Variants in ABCB1 observed in about 807,000 individuals in gnomAD.
The protein encoded by ABCB1 is ATP-dependent translocase ABCB1.
ABCB1 carries 69 observed loss-of-function variants against 142.0 expected under a neutral mutation model. That is an observed-to-expected ratio of 0.49 (90% CI 0.40 to 0.59). The LOEUF is 0.59. Among genes scored for constraint, ABCB1 ranks in the 20% least tolerant of loss-of-function variants. ABCB1 has a pLI of 0.00. For missense variants in ABCB1, 1,326 were observed against 1,554.7 expected (o/e 0.85, Z 2.47); for synonymous variants, 532 against 539.2 (o/e 0.99, Z 0.18).
intron 1 of ABCB1, chr7:87,700,442 A>T (rs1206199075): frequency 6.2e-7 from 1 of 1,612,052 alleles, no homozygotes; most frequent in South Asian, 1.1e-5. Flanking sequence ...TGGTTTGGTT[A>T]TGAAAGTCCT....
intron 1 of ABCB1, among the ~76,000 whole-genome samples, chr7:87,642,921 A>T (rs979187591): frequency 1.3e-5 from 2 of 152,070 alleles, no homozygotes; most frequent in Non-Finnish European, 2.9e-5. Context: ...AATTTTTAAA[A>T]TTTTCCTTTT....
chr7:87,626,158 ATATG>A (rs1412878824), intron 1 of ABCB1, among the ~76,000 whole-genome samples: 1 of 139,912 alleles, frequency 7.1e-6, no homozygotes, highest in Non-Finnish European at 1.5e-5. Context: ...ATTGTCATAT[ATATG>A]TGTCATATAT....
intron 1 of ABCB1, among the ~76,000 whole-genome samples, chr7:87,684,746 CAAAAAA>C (rs71524694): frequency 1.6e-4 from 6 of 37,782 alleles, no homozygotes; most frequent in Admixed American, 1.2e-3. Context: ...GACTCCGTCT[CAAAAAA>C]AAAAAAAAAA....
chr7:87,544,702 G>T, intron 16 of ABCB1, 121 bp downstream of exon 16: 1 of 935,238 alleles, frequency 1.1e-6, no homozygotes. Context: ...ACATTCTGGG[G>T]GATAGGACAG....
chr7:87,554,872 T>A (rs974454264), intron 8 of ABCB1, among the ~76,000 whole-genome samples: 1 of 152,188 alleles, frequency 6.6e-6, no homozygotes, highest in African/African-American at 2.4e-5. Flanking sequence ...GACCCATTAA[T>A]ACTTCTTAGA....
intron 21 of ABCB1, among the ~76,000 whole-genome samples, chr7:87,523,831 G>C (rs1280927634): frequency 1.3e-5 from 2 of 152,020 alleles, no homozygotes; most frequent in African/African-American, 2.4e-5. Flanking sequence ...TTCCTCATTT[G>C]CAAAATGAGG....
At chr7:87,543,950 A>G (rs1816656300) in intron 17 of ABCB1, among the ~76,000 whole-genome samples, 179 bp downstream of exon 17, 1 of 152,230 alleles carries the variant, frequency 6.6e-6, no homozygotes, top group Admixed American at 6.5e-5. Context: ...GAAGGTTCAC[A>G]AAGTTAGCTC....
At chr7:87,548,034 AT>A (rs1563046206) in intron 14 of ABCB1, among the ~76,000 whole-genome samples, 30 of 147,884 alleles carry the variant, frequency 2.0e-4, no homozygotes, top group Admixed American at 6.1e-4. Context: ...AAAAGATAAG[AT>A]AAGATAAGAA....
At chr7:87,661,185 G>A (rs898272300) in intron 1 of ABCB1, among the ~76,000 whole-genome samples, 2 of 151,500 alleles carry the variant, frequency 1.3e-5, no homozygotes, top group African/African-American at 2.4e-5. Context: ...TTTTTTACAG[G>A]CACACAATGT....
intron 8 of ABCB1, among the ~76,000 whole-genome samples, chr7:87,555,344 AT>A (rs747638954): frequency 5.3e-5 from 8 of 152,212 alleles, no homozygotes; most frequent in Non-Finnish European, 1.0e-4. Flanking sequence ...TTACTTCCAT[AT>A]AAAAGTCATA....
chr7:87,564,027 G>A, intron 7 of ABCB1: 2 of 309,586 alleles, frequency 6.5e-6, no homozygotes, highest in South Asian at 5.8e-5. Flanking sequence ...GTGGAGAGTG[G>A]GAGGAGGGAG....
Position 87,709,362 on chromosome 7 carries a change from A to G in ABCB1, c.-331+3799T>C, listed in dbSNP as rs555458697. 1.0e-5 allele frequency: 10 copies of G among 985,300 alleles called. No homozygotes were observed. The South Asian group carries it at 3.3e-4, about 32-fold the overall frequency. 61.0% of individuals were successfully genotyped at this position (985,300 alleles called of 1,614,324 possible). ...TGTCTTTTAGATGAAATTTCAAGAG[A>G]GAATTTTGAGACTACTGGCCAGCCA... On this transcript the variant is annotated intron_variant, in intron 1 of 28. Transcript: ENST00000265724.
At chr7:87,585,364 C>T in intron 4 of ABCB1, 148 bp downstream of exon 4, 2 of 777,198 alleles carry the variant, frequency 2.6e-6, no homozygotes, top group South Asian at 1.6e-5. Context: ...TTCTAACTCA[C>T]TACAAATATG....
At chr7:87,642,620 T>TTTAAATATATATAAAAA in intron 1 of ABCB1, among the ~76,000 whole-genome samples, 1 of 152,066 alleles carries the variant, frequency 6.6e-6, no homozygotes, top group East Asian at 1.9e-4. Context: ...CCTTATTTAT[T>TTTAAATATATATAAAAA]TATTTATTTA....
At chr7:87,591,552 T>C (rs1444130049) in intron 3 of ABCB1, among the ~76,000 whole-genome samples, 1 of 152,102 alleles carries the variant, frequency 6.6e-6, no homozygotes, top group African/African-American at 2.4e-5. Context: ...TTTACTAAGG[T>C]ACTCATGTAA....
chr7:87,538,042 A>G (rs1816373646), intron 19 of ABCB1, among the ~76,000 whole-genome samples: 1 of 152,258 alleles, frequency 6.6e-6, no homozygotes, highest in South Asian at 2.1e-4. Context: ...CCTTGAACAC[A>G]GGGACCATTC....
intron 22 of ABCB1, 25 bp downstream of exon 22, chr7:87,520,751 C>A (rs1377579641): frequency 7.6e-6 from 12 of 1,574,800 alleles, no homozygotes; most frequent in Non-Finnish European, 3.5e-6. Flanking sequence ...TTCACACTCT[C>A]CTCCCACTCT....
intron 21 of ABCB1, chr7:87,521,331 T>C (rs1265228475): frequency 4.7e-6 from 2 of 427,914 alleles, no homozygotes; most frequent in African/African-American, 4.0e-5. Context: ...AGTGAAAGAA[T>C]GCAGGCAATA....
rs76563466 is a variant in ABCB1, at chr7:87,523,711, C to T, written c.2686-2835G>A. On this transcript the variant is annotated intron_variant, in intron 21 of 27. Coordinates refer to ENST00000622132, the MANE Select transcript of ABCB1 (RefSeq NM_001348946.2). ...ATTAGGAAACATACATCCTTCATCA[C>T]CTCTGGAGTCTGAGTAAAGGGATAT... 3.1e-3 allele frequency among the ~76,000 whole-genome samples: 465 copies of T among 152,282 alleles called. 2 individuals carry two copies. Among genetic ancestry groups the T allele is most frequent in the African/African-American group, 0.01 (416 of 41,556 alleles).
Sources: allele counts gnomAD v4.1 joint callset (sites outside exome capture counted in the v4.1 genomes callset), GRCh38; gene constraint gnomAD v4.1.1; transcripts MANE v1.5; gene names NCBI Gene and HGNC (gene_info 2026-07-23, HGNC 2026-07-21).